The following ANXA11 variants were observed in gnomAD, a reference collection of about 807,000 sequenced individuals.
ANXA11 encodes annexin A11.
ANXA11 carries 57 observed loss-of-function variants against 64.7 expected under a neutral mutation model. That is an observed-to-expected ratio of 0.88 (90% confidence interval 0.71 to 1.10). The LOEUF is 1.10. ANXA11 is among the 50% of genes least tolerant of loss of function. The probability of loss-of-function intolerance (pLI) is 0.00; values close to 1 mark genes in which losing one functional copy is unlikely to be tolerated. For missense variants in ANXA11, 675 were observed against 670.7 expected (o/e 1.01, Z -0.07); for synonymous variants, 260 against 265.2 (o/e 0.98, Z 0.19).
chr10:80,166,776 TC>T (rs1317572788), intron 7 of ANXA11, 113 bp downstream of exon 7: 1 of 809,048 alleles, frequency 1.2e-6, no homozygotes, highest in African/African-American at 1.7e-5. Flanking sequence ...GCCCTCCTGC[TC>T]CTTACTGTCC....
intron 1 of ANXA11, chr10:80,181,598 C>T (rs992993527): frequency 3.3e-5 from 5 of 152,138 alleles, no homozygotes; most frequent in African/African-American, 1.2e-4. Context: ...TCTTAAATCT[C>T]AACAAGAAAA....
At chr10:80,176,979 C>A (rs1846192934) in intron 1 of ANXA11, among the ~76,000 whole-genome samples, 1 of 134,956 alleles carries the variant, frequency 7.4e-6, no homozygotes, top group Admixed American at 7.5e-5. Context: ...GCCTGCTCCC[C>A]ACTTTTTTTT....
intron 7 of ANXA11, 196 bp from the exon 8 acceptor site, chr10:80,166,393 T>C: frequency 3.6e-6 from 2 of 551,168 alleles, no homozygotes; most frequent in Non-Finnish European, 6.5e-6. Context: ...TTTACCAAGA[T>C]GCCCAGGGGA....
chr10:80,175,416 A>T (rs1430306871), intron 2 of ANXA11, among the ~76,000 whole-genome samples: 2 of 152,160 alleles, frequency 1.3e-5, no homozygotes, highest in Non-Finnish European at 1.5e-5. Flanking sequence ...CAGAGAAATG[A>T]AGCCAAAAGC....
chr10:80,167,278 G>A lies in ANXA11; in HGVS notation c.597C>T (p.Gly199=). 1 of 1,614,172 alleles carries A rather than the reference G, an allele frequency of 6.2e-7. No homozygotes were observed. The highest frequency in any genetic ancestry group is 8.5e-7 in the Non-Finnish European group (1 of 1,180,024). Residue 199 remains glycine (G), a synonymous_variant, in exon 6 of 16, where the codon GGC becomes GGT. Transcript: ENST00000422982. ...CCTCGGCATCTCGCAGGGGGTCAAA[G>A]CCGGGAGCATCAGTGATGGTGCCTC... ...GSRGTITDAP[G]FDPLRDAEVL... is the part of the protein sequence containing the mutation.
chr10:80,189,538 C>A (rs1564623573), intron 1 of ANXA11, among the ~76,000 whole-genome samples: 1 of 152,200 alleles, frequency 6.6e-6, no homozygotes, highest in South Asian at 2.1e-4. Context: ...GCATACAGGC[C>A]GAGTACCTCT....
At chr10:80,204,906 T>C (rs1840603365) in intron 1 of ANXA11, 1 of 152,210 alleles carries the variant, frequency 6.6e-6, no homozygotes, top group Non-Finnish European at 1.5e-5. Flanking sequence ...TAGCCTTCTC[T>C]GCTTAATCTC....
At position 80,161,917 on chromosome 10, in the gene ANXA11, G is replaced by A. The variant is rs779912437; in HGVS notation, c.1180+18C>T. ...GCCCTCATCTAACTGGCCTCTGAGG[G>A]ACCCCAGCCTGCCTTACCTGCTACC... On this transcript the variant is annotated intron_variant, in intron 12 of 15. Transcript: ENST00000422982. 1.9e-6 allele frequency: 3 copies of A among 1,605,480 alleles called. No homozygotes were observed. The highest frequency in any genetic ancestry group is 1.7e-5 in the Admixed American group (1 of 59,956).
At chr10:80,198,563 G>A (rs1232919535) in intron 1 of ANXA11, among the ~76,000 whole-genome samples, 1 of 152,146 alleles carries the variant, frequency 6.6e-6, no homozygotes, top group Non-Finnish European at 1.5e-5. Context: ...AATGATTCAG[G>A]GTGCAGTCCA....
At position 80,167,247 on chromosome 10, in the gene ANXA11, G is replaced by T; in HGVS notation, c.628C>A (p.Arg210=). 6.2e-7 allele frequency: 1 copy of T among 1,614,068 alleles called. No individual in the cohort carries two copies. The highest frequency in any genetic ancestry group is 8.5e-7 in the Non-Finnish European group (1 of 1,180,004). Residue 210 remains arginine (R), a synonymous_variant, in exon 6 of 16, where the codon CGG becomes AGG. Transcript: ENST00000422982. ...TTACCGAAGCCTTTCATGGCCTTCC[G>T]CAGGACCTCGGCATCTCGCAGGGGG... ...FDPLRDAEVL[R]KAMKGFGTDE... is the part of the protein sequence containing the mutation.
At chr10:80,174,827 G>A (rs571641566) in intron 2 of ANXA11, among the ~76,000 whole-genome samples, 1 of 152,200 alleles carries the variant, frequency 6.6e-6, no homozygotes, top group East Asian at 1.9e-4. Context: ...ACAGTGCTGG[G>A]ATTACAGGCA....
intron 1 of ANXA11, among the ~76,000 whole-genome samples, chr10:80,199,095 C>CT (rs71482767): frequency 0.023 from 3,116 of 133,484 alleles, 127 homozygotes; most frequent in African/African-American, 0.074. Flanking sequence ...TCAAGATAAA[C>CT]TTTTTTTTTT....
At chr10:80,189,806 T>C (rs2132477377) in intron 1 of ANXA11, among the ~76,000 whole-genome samples, 1 of 152,328 alleles carries the variant, frequency 6.6e-6, no homozygotes, top group Non-Finnish European at 1.5e-5. Context: ...CCAACAGACA[T>C]TTGTATACCC....
At chr10:80,164,353 G>C (rs1464323504) in intron 8 of ANXA11, among the ~76,000 whole-genome samples, 1 of 152,188 alleles carries the variant, frequency 6.6e-6, no homozygotes, top group Non-Finnish European at 1.5e-5. Context: ...GTGGTGATGA[G>C]TAGGGCTCAC....
chr10:80,155,614 C>T lies in ANXA11; in HGVS notation c.*239G>A. 2.0e-6 allele frequency: 1 copy of T among 499,876 alleles called. No individual in the cohort carries two copies. The highest frequency in any genetic ancestry group is 3.7e-5 in the Admixed American group (1 of 27,064). The allele number at this position is 499,876 out of a possible 1,614,324, so 31.0% of individuals were successfully genotyped here. A position where few individuals can be genotyped will look rare whatever the true frequency, so the allele number is the denominator to read the frequency against. ...TGCATGAGTCAGAAAAATGAAACAT[C>T]TATTTTAGCAGCAAGAGGCTGTGAG... On this transcript the variant is annotated 3_prime_UTR_variant, in exon 16 of 16. Transcript: ENST00000422982.
At chr10:80,158,135 G>A (rs907607092) in intron 13 of ANXA11, 110 bp from the exon 14 acceptor site, 29 of 947,420 alleles carry the variant, frequency 3.1e-5, no homozygotes, top group Non-Finnish European at 4.2e-5. Flanking sequence ...ACCCATCACT[G>A]CATCCATCTT....
intron 1 of ANXA11, among the ~76,000 whole-genome samples, chr10:80,177,869 G>A (rs564078627): frequency 2.0e-5 from 3 of 152,252 alleles, no homozygotes; most frequent in Admixed American, 6.5e-5. Context: ...GGCTCCCAGC[G>A]CTGACCAATC....
At chr10:80,180,556 C>T (rs1846317801) in intron 1 of ANXA11, among the ~76,000 whole-genome samples, 1 of 152,162 alleles carries the variant, frequency 6.6e-6, no homozygotes, top group Admixed American at 6.5e-5. Context: ...GCAAACCAAG[C>T]AGACCGGGAC....
intron 11 of ANXA11, 28 bp downstream of exon 11, chr10:80,163,321 A>C: frequency 1.9e-6 from 3 of 1,612,340 alleles, no homozygotes; most frequent in Non-Finnish European, 2.5e-6. Context: ...TGCTTTAGGA[A>C]GTCCAGGGGC....
Sources: gnomAD v4.1 joint callset for allele counts (sites outside exome capture counted in the v4.1 genomes callset) on GRCh38, gnomAD v4.1.1 for gene constraint, MANE v1.5 for transcripts, NCBI Gene and HGNC (gene_info 2026-07-23, HGNC 2026-07-21) for gene names.